Variants in RPTOR observed in about 807,000 individuals in gnomAD.
RPTOR encodes regulatory associated protein of MTOR complex 1.
In RPTOR, 21 loss-of-function variants were observed where a neutral mutation model predicts 169.9. The observed-to-expected ratio is 0.12, with a 90% CI of 0.09 to 0.18. The LOEUF (loss-of-function observed/expected upper bound fraction) is 0.18, where lower values mean the gene tolerates loss of function less well. RPTOR is among the 10% of genes least tolerant of loss of function. The pLI, the probability that RPTOR is intolerant of heterozygous loss-of-function variation, is 1.00. For missense variants in RPTOR, 1,133 were observed against 1,855.9 expected, an observed-to-expected ratio of 0.61 and a Z score of 7.16; for synonymous variants, 732 against 753.2, an observed-to-expected ratio of 0.97 and a Z score of 0.46.
At chr17:80,731,650 A>G (rs576896484) in intron 5 of RPTOR, among the ~76,000 whole-genome samples, 1 of 152,252 alleles carries the variant, frequency 6.6e-6, no homozygotes, top group African/African-American at 2.4e-5. Context: ...GAGTGTCAGA[A>G]TGAAATATTC....
At chr17:80,841,237 G>A (rs1471139314) in intron 10 of RPTOR, among the ~76,000 whole-genome samples, 7 of 52,186 alleles carry the variant, frequency 1.3e-4, no homozygotes, top group Admixed American at 1.9e-4. Context: ...CACTCTCACC[G>A]CACGGCAGCT....
At chr17:80,809,950 T>C (rs537393525) in intron 7 of RPTOR, among the ~76,000 whole-genome samples, 1 of 152,174 alleles carries the variant, frequency 6.6e-6, no homozygotes, top group Admixed American at 6.5e-5. Flanking sequence ...GGCAGGAGAA[T>C]CGCTTGAACC....
chr17:80,873,416 G>T (rs1002600986), intron 13 of RPTOR, among the ~76,000 whole-genome samples: 1 of 152,166 alleles, frequency 6.6e-6, no homozygotes, highest in African/African-American at 2.4e-5. Context: ...GAACCAGGAC[G>T]TGCTGCCTCC....
intron 3 of RPTOR, among the ~76,000 whole-genome samples, chr17:80,670,446 C>G (rs1242090939): frequency 6.6e-6 from 1 of 152,174 alleles, no homozygotes; most frequent in African/African-American, 2.4e-5. Context: ...CCATCCGGAG[C>G]GTTGCTGTCA....
rs1329164264 is a variant in RPTOR at position 80,820,580 on chromosome 17, C to T, written c.891-1621C>T. On this transcript the variant is annotated intron_variant, in intron 7 of 33. Transcript: ENST00000306801. This position sits in a 1 kb window ranked among gnomAD's most constrained non-coding sequence, Gnocchi z 4.1. ...TCACATTCCTCCGTGGGGCCAAGCTCTGTCGTAGGTTGTTAGAGGGTGGGC... is the reference window on the plus strand; with the variant it reads ...TCACATTCCTCCGTGGGGCCAAGCTTTGTCGTAGGTTGTTAGAGGGTGGGC... Among the ~76,000 whole-genome samples the T allele has an allele frequency of 2.6e-5, 4 of 152,056 alleles. No homozygotes were observed. Among genetic ancestry groups the T allele is most frequent in the Admixed American group, 2.6e-4 (4 of 15,262 alleles).
chr17:80,587,955 C>A (rs1444866098), intron 1 of RPTOR, among the ~76,000 whole-genome samples: 1 of 152,122 alleles, frequency 6.6e-6, no homozygotes, highest in African/African-American at 2.4e-5. Context: ...CCTCTGGTGA[C>A]CACCATTCTA....
intron 6 of RPTOR, among the ~76,000 whole-genome samples, chr17:80,784,312 G>T (rs963827299): frequency 5.3e-5 from 8 of 152,080 alleles, no homozygotes; most frequent in Non-Finnish European, 7.3e-5. Flanking sequence ...TTCATGTGGG[G>T]ATGTTTAGTT....
At chr17:80,807,142 T>A (rs1344780349) in intron 7 of RPTOR, among the ~76,000 whole-genome samples, 3 of 152,268 alleles carry the variant, frequency 2.0e-5, no homozygotes, top group African/African-American at 7.2e-5. Context: ...TATCCATATG[T>A]ATATAAGGTA....
intron 5 of RPTOR, among the ~76,000 whole-genome samples, chr17:80,742,674 C>A (rs1280190696): frequency 6.0e-5 from 7 of 117,236 alleles, no homozygotes; most frequent in African/African-American, 2.4e-4. Context: ...CATACACATA[C>A]AGCCATATAC....
chr17:80,919,678 C>A (rs1010284942), intron 21 of RPTOR, among the ~76,000 whole-genome samples: 4 of 152,238 alleles, frequency 2.6e-5, no homozygotes, highest in African/African-American at 9.6e-5. Flanking sequence ...ACCTGCACCT[C>A]CATCTTCCAG....
chr17:80,686,792 G>A (rs2065951487), intron 3 of RPTOR, among the ~76,000 whole-genome samples: 1 of 152,170 alleles, frequency 6.6e-6, no homozygotes, highest in African/African-American at 2.4e-5. Context: ...TCGCCCAGCT[G>A]TGTGAGTCCT....
intron 3 of RPTOR, among the ~76,000 whole-genome samples, chr17:80,688,324 G>A (rs892533430): frequency 6.6e-6 from 1 of 152,204 alleles, no homozygotes; most frequent in African/African-American, 2.4e-5. Context: ...CAAAGAAGGT[G>A]AAGACTTTGC....
intron 6 of RPTOR, among the ~76,000 whole-genome samples, chr17:80,775,659 G>A (rs1296200511): frequency 6.6e-6 from 1 of 152,212 alleles, no homozygotes; most frequent in African/African-American, 2.4e-5. Context: ...ACGTTTGGCT[G>A]TCAAACCACA....
At chr17:80,767,964 A>G (rs2066804310) in intron 6 of RPTOR, among the ~76,000 whole-genome samples, 1 of 152,116 alleles carries the variant, frequency 6.6e-6, no homozygotes, top group African/African-American at 2.4e-5. Flanking sequence ...CCCTGTTTCA[A>G]GTGATTCTCC....
chr17:80,754,438 T>A lies in RPTOR; in HGVS notation c.830+253T>A, dbSNP rs1261800961. 6.6e-6 allele frequency among the ~76,000 whole-genome samples: 1 copy of A among 152,140 alleles called. No individual in the cohort carries two copies. Among genetic ancestry groups the A allele is most frequent in the African/African-American group, 2.4e-5 (1 of 41,424 alleles). On this transcript the variant is annotated intron_variant, in intron 6 of 33. Coordinates refer to ENST00000306801, the MANE Select transcript of RPTOR (RefSeq NM_020761.3). This position sits in a 1 kb window ranked among gnomAD's most constrained non-coding sequence, Gnocchi z 4.2. ...TGCTTTGCGATTTCCAAGAACACCC[T>A]CTCCTTACCTTTGTTCACTGCGGAG...
chr17:80,930,168 C>A (rs1598407552), intron 24 of RPTOR, among the ~76,000 whole-genome samples: 1 of 103,082 alleles, frequency 9.7e-6, no homozygotes, highest in East Asian at 2.9e-4. Context: ...TCATCCCCAG[C>A]TCATGCCCAG....
At chr17:80,902,388 C>T (rs1023025809) in intron 20 of RPTOR, among the ~76,000 whole-genome samples, 2 of 152,266 alleles carry the variant, frequency 1.3e-5, no homozygotes, top group Non-Finnish European at 2.9e-5. Flanking sequence ...TGGCCCGGCC[C>T]CTCTGCCATC....
At position 80,922,709 on chromosome 17, in the gene RPTOR, T is replaced by C. The variant is rs2068760247; in HGVS notation, c.2521-15T>C. The C allele has an allele frequency of 6.4e-7, 1 of 1,571,802 alleles. No homozygotes were observed. Among genetic ancestry groups the C allele is most frequent in the Non-Finnish European group, 8.6e-7 (1 of 1,161,002 alleles). ...GTCCCGTCTGACCTTCACACCCCCA[T>C]TCCTTTGCCCCTAGGCCACCGTGAA... On this transcript the variant is annotated splice_polypyrimidine_tract_variant and intron_variant, in intron 21 of 33. Transcript: ENST00000306801.
In RPTOR at chr17:80,874,218, T is replaced by C. The variant is rs199796512; in HGVS notation, c.1510-6197T>C. Among the ~76,000 whole-genome samples the C allele has an allele frequency of 1.3e-4, 19 of 151,836 alleles. No individual in the cohort carries two copies. In the East Asian group the frequency reaches 3.5e-3, roughly 28 times the overall value. ...ATAACTAAAGGGCTTTTTTTTTTTT[T>C]AGACAGTCTTGCTCTGTCACCAGGC... On this transcript the variant is annotated intron_variant, in intron 13 of 33. Coordinates refer to ENST00000306801, the MANE Select transcript of RPTOR (RefSeq NM_020761.3).
Sources: allele counts gnomAD v4.1 joint callset (sites outside exome capture counted in the v4.1 genomes callset), GRCh38; gene constraint gnomAD v4.1.1; non-coding constraint Gnocchi (gnomAD v3.1); transcripts MANE v1.5; gene names NCBI Gene and HGNC (gene_info 2026-07-23, HGNC 2026-07-21).